Variants in COBL observed in about 807,000 individuals in gnomAD.
The protein encoded by COBL is protein cordon-bleu.
A neutral mutation model predicts 98.8 loss-of-function variants in COBL; 51 were observed. That is an observed-to-expected ratio of 0.52 (90% confidence interval 0.41 to 0.65). The LOEUF (loss-of-function observed/expected upper bound fraction) is 0.65, where lower values mean the gene tolerates loss of function less well. Among genes scored for constraint, COBL ranks in the 30% least tolerant of loss-of-function variants. COBL has a pLI of 0.00. For missense variants in COBL, 1,617 were observed against 1,617.5 expected (o/e 1.00, Z 0.01); for synonymous variants, 634 against 651.7 (o/e 0.97, Z 0.41).
At chr7:51,083,953 T>C (rs1215411953) in intron 7 of COBL, among the ~76,000 whole-genome samples, 24 of 152,158 alleles carry the variant, frequency 1.6e-4, no homozygotes, top group Admixed American at 1.6e-3. Context: ...CCAGGGGCTT[T>C]TGTCCATTTA....
At position 51,191,071 on chromosome 7, in the gene COBL, A is replaced by G. The variant is rs1358936119; in HGVS notation, c.464T>C (p.Val155Ala). The G allele has an allele frequency of 1.9e-6, 3 of 1,613,908 alleles. No individual in the cohort carries two copies. The highest frequency in any genetic ancestry group is 2.5e-6 in the Non-Finnish European group (3 of 1,179,930). Residue 155 changes from valine (V) to alanine (A), a missense_variant, in exon 4 of 13, where the codon GTG becomes GCG. Val to Ala is a moderately conservative substitution (Grantham distance 64). This residue lies in a region of COBL where 238 missense variants were observed against 215.0 expected (regional missense o/e 1.11). Coordinates refer to ENST00000265136, the MANE Select transcript of COBL (RefSeq NM_015198.5). ...PGPPKVPEKS[V>A]RLVVNYLRTQ... ...CCGCAGGTAATTCACGACCAAACGC[A>G]CAGATTTCTGGAAGAACACACAGGC...
chr7:51,212,341 C>T (rs1316035428), intron 2 of COBL, among the ~76,000 whole-genome samples: 1 of 152,150 alleles, frequency 6.6e-6, no homozygotes, highest in Non-Finnish European at 1.5e-5. Context: ...TGTGCCAATA[C>T]CCGTCCTAGT....
At chr7:51,037,318 G>A (rs895171278) in intron 8 of COBL, among the ~76,000 whole-genome samples, 1 of 152,222 alleles carries the variant, frequency 6.6e-6, no homozygotes, top group Non-Finnish European at 1.5e-5. Flanking sequence ...ATTGTAAGGA[G>A]GAGGTAGTGC....
chr7:51,210,438 G>A (rs1792301897), intron 2 of COBL, among the ~76,000 whole-genome samples: 1 of 152,136 alleles, frequency 6.6e-6, no homozygotes, highest in Non-Finnish European at 1.5e-5. Context: ...CCCAGGGCTG[G>A]AACCCGCACC....
At chr7:51,265,436 C>A (rs539030337) in intron 1 of COBL, among the ~76,000 whole-genome samples, 22 of 152,332 alleles carry the variant, frequency 1.4e-4, no homozygotes, top group African/African-American at 5.3e-4. Context: ...GCTCCCCAGG[C>A]TGGATGGGGA....
At chr7:51,250,693 T>C (rs1178008861) in intron 1 of COBL, among the ~76,000 whole-genome samples, 1 of 152,238 alleles carries the variant, frequency 6.6e-6, no homozygotes, top group Non-Finnish European at 1.5e-5. Flanking sequence ...TGGACCCATA[T>C]GGCTAAGCCA....
At chr7:51,132,080 A>AT (rs766839675) in intron 6 of COBL, among the ~76,000 whole-genome samples, 18 of 152,336 alleles carry the variant, frequency 1.2e-4, no homozygotes, top group Middle Eastern at 6.8e-3. Flanking sequence ...CGCCTTGGTG[A>AT]TTTTTTAATT....
chr7:51,094,805 T>C (rs1795129355), intron 6 of COBL, among the ~76,000 whole-genome samples: 1 of 152,194 alleles, frequency 6.6e-6, no homozygotes, highest in Admixed American at 6.5e-5. Flanking sequence ...CATAAAAATA[T>C]AAGTATAAAA....
chr7:51,035,291 T>C (rs1373742731), intron 8 of COBL: 1 of 152,128 alleles, frequency 6.6e-6, no homozygotes, highest in Admixed American at 6.5e-5. Flanking sequence ...CAATCCGAAA[T>C]GTACAAGATG....
intron 1 of COBL, among the ~76,000 whole-genome samples, chr7:51,313,445 T>C (rs567893811): frequency 6.6e-6 from 1 of 152,322 alleles, no homozygotes; most frequent in East Asian, 1.9e-4. Flanking sequence ...TAAATATAAA[T>C]TTATGCAAAG....
At chr7:51,048,924 G>A (rs1789977944) in intron 7 of COBL, among the ~76,000 whole-genome samples, 1 of 152,164 alleles carries the variant, frequency 6.6e-6, no homozygotes, top group Admixed American at 6.5e-5. Context: ...ATGAGGCAGG[G>A]TTTGGCATAA....
At chr7:51,228,032 C>T (rs551653653) in intron 1 of COBL, among the ~76,000 whole-genome samples, 56 of 152,262 alleles carry the variant, frequency 3.7e-4, no homozygotes, top group Admixed American at 9.8e-4. Context: ...CCCATCAAAA[C>T]GCCACATTTC....
In COBL at chr7:51,089,420, C is replaced by T. The variant is rs1252523133; in HGVS notation, c.958-4116G>A. On this transcript the variant is annotated intron_variant, in intron 6 of 12. Coordinates refer to ENST00000265136, the MANE Select transcript of COBL (RefSeq NM_015198.5). ...AGCCCAGCTACTCGGGAAGCTGAGG[C>T]GGGAGGATAATTTGAACCTGGGAGA... is the stretch of plus-strand genomic sequence containing the variant. Among the ~76,000 whole-genome samples the T allele has an allele frequency of 3.9e-5, 6 of 152,030 alleles. No homozygotes were observed. The East Asian group carries it at 5.8e-4, about 15-fold the overall frequency.
rs150086031 is a variant in COBL, at chr7:51,261,797, C to T, written c.42-41853G>A. ...GCCTTGACCAACATCGTGAAACCCC[C>T]TCTCTACAAAAATTAGCTGGGAATT... is the stretch of plus-strand genomic sequence containing the variant. On this transcript the variant is annotated intron_variant, in intron 1 of 12. Coordinates refer to ENST00000265136, the MANE Select transcript of COBL (RefSeq NM_015198.5). Among the ~76,000 whole-genome samples the T allele has an allele frequency of 9.6e-3, 1,462 of 152,288 alleles. 22 individuals carry two copies. The highest frequency in any genetic ancestry group is 0.034 in the African/African-American group (1,409 of 41,568).
At chr7:51,232,743 G>A (rs1390609117) in intron 1 of COBL, among the ~76,000 whole-genome samples, 5 of 152,136 alleles carry the variant, frequency 3.3e-5, no homozygotes, top group East Asian at 3.9e-4. Flanking sequence ...CCTGGGAGAC[G>A]GAGGTTGCAG....
At chr7:51,025,754 G>A (rs1443849979) in intron 11 of COBL, among the ~76,000 whole-genome samples, 1 of 152,158 alleles carries the variant, frequency 6.6e-6, no homozygotes, top group Admixed American at 6.5e-5. Flanking sequence ...CTAAGGCAGT[G>A]ACACTGTCCC....
At chr7:51,054,771 A>G (rs1357893973) in intron 7 of COBL, among the ~76,000 whole-genome samples, 1 of 152,344 alleles carries the variant, frequency 6.6e-6, no homozygotes, top group African/African-American at 2.4e-5. Flanking sequence ...CGCATTTACA[A>G]TGATGTCCAC....
intron 5 of COBL, among the ~76,000 whole-genome samples, chr7:51,169,034 C>T (rs1787603057): frequency 1.3e-5 from 2 of 152,114 alleles, no homozygotes; most frequent in Admixed American, 6.6e-5. Flanking sequence ...GGACATGCCT[C>T]ATTACACCCT....
Position 51,306,859 on chromosome 7 carries a change from G to GAC in COBL, c.41+9732_41+9733dup, listed in dbSNP as rs1802521132. 2.6e-5 allele frequency among the ~76,000 whole-genome samples: 4 copies of GAC among 152,192 alleles called. No individual in the cohort carries two copies. In the South Asian group the frequency reaches 8.3e-4, roughly 31 times the overall value. On this transcript the variant is annotated intron_variant, in intron 1 of 12. Coordinates refer to ENST00000265136, the MANE Select transcript of COBL (RefSeq NM_015198.5). ...GCTTTTCATGGCAAAATGCTGCTGA[G>GAC]ACACTCCAGGGCTTCAGAAATAGAG... is the stretch of plus-strand genomic sequence containing the variant.
Sources: allele counts gnomAD v4.1 joint callset (sites outside exome capture counted in the v4.1 genomes callset), GRCh38; gene constraint gnomAD v4.1.1; regional missense constraint gnomAD v4.1.1; transcripts MANE v1.5; gene names NCBI Gene and HGNC (gene_info 2026-07-23, HGNC 2026-07-21).